The following OR8G1 variants were observed in gnomAD, a reference collection of about 807,000 sequenced individuals.
OR8G1 encodes olfactory receptor family 8 subfamily G member 1.
For synonymous variants in OR8G1, 129 were observed against 133.3 expected (o/e 0.97, Z 0.22); for missense variants, 372 against 356.2 (o/e 1.04, Z -0.36).
At chr11:124,248,515 A>G (rs189745008) in intron 2 of OR8G1, among the ~76,000 whole-genome samples, 1 of 151,850 alleles carries the variant, frequency 6.6e-6, no homozygotes, top group East Asian at 1.9e-4. Flanking sequence ...TTATATCTGT[A>G]TTTTAGTTTT....
rs1861890694 is a variant in OR8G1 at position 124,254,254 on chromosome 11, C to T, written c.*3643C>T. The T allele has an allele frequency of 6.6e-6, 1 of 152,160 alleles. No individual in the cohort carries two copies. Among genetic ancestry groups the T allele is most frequent in the African/African-American group, 2.4e-5 (1 of 41,444 alleles). 9.4% of individuals were successfully genotyped at this position (152,160 alleles called of 1,614,324 possible). ...TCCTAACAAGTATGAGGTGATATCTCACTGTAGTTTCTCTGCAATTTGATG... is the reference window on the plus strand; with the variant it reads ...TCCTAACAAGTATGAGGTGATATCTTACTGTAGTTTCTCTGCAATTTGATG... On this transcript the variant is annotated 3_prime_UTR_variant, in exon 3 of 3. Coordinates refer to ENST00000641972, the MANE Select transcript of OR8G1 (RefSeq NM_001002905.2).
rs1396224546 is a variant in OR8G1 at position 124,252,494 on chromosome 11, A to C, written c.*1883A>C. 2 of 152,076 alleles carry C rather than the reference A, an allele frequency of 1.3e-5. No homozygotes were observed. The highest frequency in any genetic ancestry group is 2.4e-5 in the African/African-American group (1 of 41,406). 9.4% of individuals were successfully genotyped at this position (152,076 alleles called of 1,614,324 possible). On this transcript the variant is annotated 3_prime_UTR_variant, in exon 3 of 3. Transcript: ENST00000641972. ...CCTTATGTTCTCTTTCAGAAAAACT[A>C]TCTCTTTTTCTTCTTAGCTTGCATT...
intron 1 of OR8G1, among the ~76,000 whole-genome samples, chr11:124,242,288 G>A (rs1014430287): frequency 5.3e-5 from 8 of 151,898 alleles, no homozygotes; most frequent in African/African-American, 1.9e-4. Context: ...GACAGCTTTT[G>A]TGTGCCTTCC....
intron 2 of OR8G1, 170 bp from the exon 3 acceptor site, chr11:124,249,490 A>C (rs1861842603): frequency 8.3e-6 from 2 of 239,688 alleles, no homozygotes; most frequent in African/African-American, 4.7e-5. Flanking sequence ...CATGAAACAC[A>C]TTTATTATAT....
At position 124,253,384 on chromosome 11, in the gene OR8G1, G is replaced by A. The variant is rs1861882022; in HGVS notation, c.*2773G>A. On this transcript the variant is annotated 3_prime_UTR_variant, in exon 3 of 3. Transcript: ENST00000641972. ...TGCAGTGAGCCTTGATTGTGCCACT[G>A]TACGTCAGCCTGGGCGACAGAGAGA... 1 of 151,998 alleles carries A rather than the reference G, an allele frequency of 6.6e-6. No homozygotes were observed. The highest frequency in any genetic ancestry group is 1.9e-4 in the East Asian group (1 of 5,190). The allele number at this position is 151,998 out of a possible 1,614,324, so 9.4% of individuals were successfully genotyped here. A position where few individuals can be genotyped will look rare whatever the true frequency, so the allele number is the denominator to read the frequency against.
At chr11:124,244,009 A>G (rs1861786104) in intron 1 of OR8G1, among the ~76,000 whole-genome samples, 1 of 151,172 alleles carries the variant, frequency 6.6e-6, no homozygotes, top group Non-Finnish European at 1.5e-5. Flanking sequence ...ATGGAGAGAG[A>G]ACAAGGAAAG....
chr11:124,247,019 A>C (rs1164050747), intron 1 of OR8G1, among the ~76,000 whole-genome samples: 1 of 151,870 alleles, frequency 6.6e-6, no homozygotes, highest in East Asian at 1.9e-4. Context: ...GATCCAGCTA[A>C]AGTGGGGTTC....
intron 1 of OR8G1, among the ~76,000 whole-genome samples, chr11:124,246,844 G>C (rs1861815710): frequency 7.9e-6 from 1 of 127,080 alleles, no homozygotes; most frequent in South Asian, 2.9e-4. Flanking sequence ...AATTACAATA[G>C]ATGTATTTTT....
Position 124,249,800 on chromosome 11 carries a change from A to G in OR8G1, c.125A>G (p.Asn42Ser). The G allele has an allele frequency of 1.9e-6, 3 of 1,613,934 alleles. No homozygotes were observed. Among genetic ancestry groups the G allele is most frequent in the African/African-American group, 1.3e-5 (1 of 74,996 alleles). The change falls in exon 3 of 3, where the codon AAC becomes AGC. Residue 42 changes from asparagine to serine, a missense_variant. Physicochemically the swap from Asn to Ser is conservative, Grantham distance 46 (BLOSUM62 1). Coordinates refer to ENST00000641972, the MANE Select transcript of OR8G1 (RefSeq NM_001002905.2). Reference sequence around the variant, plus strand: ...ATCTATGTGGTCACAGTGGTGGGCAACCTGGGCATGACCACACTGATTTGG... The same window carrying G: ...ATCTATGTGGTCACAGTGGTGGGCAGCCTGGGCATGACCACACTGATTTGG... ...LGIYVVTVVG[N>S]LGMTTLIWLS... is the part of the protein sequence containing the mutation.
chr11:124,245,922 G>A (rs1198138943), intron 1 of OR8G1, among the ~76,000 whole-genome samples: 2 of 146,048 alleles, frequency 1.4e-5, no homozygotes, highest in African/African-American at 5.2e-5. Flanking sequence ...TTAGCCCTTT[G>A]TCAGATGAGT....
At chr11:124,246,119 G>C (rs960887327) in intron 1 of OR8G1, among the ~76,000 whole-genome samples, 2 of 151,534 alleles carry the variant, frequency 1.3e-5, no homozygotes, top group Non-Finnish European at 2.9e-5. Flanking sequence ...GTAATGCCTA[G>C]GTTTTCTTCT....
At chr11:124,243,374 G>A (rs1012630144) in intron 1 of OR8G1, among the ~76,000 whole-genome samples, 1 of 151,864 alleles carries the variant, frequency 6.6e-6, no homozygotes, top group African/African-American at 2.4e-5. Context: ...GATCACATGA[G>A]GACACATAAA....
chr11:124,241,345 A>C lies in OR8G1; in HGVS notation c.-116A>C, dbSNP rs1371852743. Reference sequence around the variant, plus strand: ...AATTGCAAGTAAAATCAAGCATTGAAGTTTTTAGGCAGTGGAAAGGTGAGT... The same window carrying C: ...AATTGCAAGTAAAATCAAGCATTGACGTTTTTAGGCAGTGGAAAGGTGAGT... On this transcript the variant is annotated 5_prime_UTR_variant, in exon 1 of 3. Coordinates refer to ENST00000641972, the MANE Select transcript of OR8G1 (RefSeq NM_001002905.2). The C allele has an allele frequency of 6.6e-6, 1 of 152,124 alleles. No individual in the cohort carries two copies. The highest frequency in any genetic ancestry group is 2.4e-5 in the African/African-American group (1 of 41,444). The allele number at this position is 152,124 out of a possible 1,614,324, so 9.4% of individuals were successfully genotyped here.
In OR8G1 at chr11:124,243,012, G is replaced by A. The variant is rs74647190; in HGVS notation, c.-97+1648G>A. Reference sequence around the variant, plus strand: ...TCCATGTATAACTCACAAAAAGAAAGTTTCACAGTTTAATTCCATAGAACT... The same window carrying A: ...TCCATGTATAACTCACAAAAAGAAAATTTCACAGTTTAATTCCATAGAACT... On this transcript the variant is annotated intron_variant, in intron 1 of 2. Coordinates refer to ENST00000641972, the MANE Select transcript of OR8G1 (RefSeq NM_001002905.2). 3.8e-3 allele frequency among the ~76,000 whole-genome samples: 582 copies of A among 151,942 alleles called. 14 individuals carry two copies. In the East Asian group the frequency reaches 0.054, roughly 14 times the overall value.
Position 124,242,982 on chromosome 11 carries a change from C to G in OR8G1, c.-97+1618C>G, listed in dbSNP as rs1227206477. On this transcript the variant is annotated intron_variant, in intron 1 of 2. Transcript: ENST00000641972. ...CCATACCATGGGGAATTGTCAATTC[C>G]CAAATCCATGTATAACTCACAAAAA... Among the ~76,000 whole-genome samples the G allele has an allele frequency of 2.6e-5, 4 of 151,684 alleles. No individual in the cohort carries two copies. The East Asian group carries it at 7.7e-4, about 29-fold the overall frequency.
rs569503011 is a variant in OR8G1 at position 124,246,047 on chromosome 11, T to C, written c.-96-1754T>C. Among the ~76,000 whole-genome samples, 53 of 144,716 alleles carry C rather than the reference T, an allele frequency of 3.7e-4. 1 individual carries two copies. The highest frequency in any genetic ancestry group is 1.4e-3 in the African/African-American group (52 of 38,130). The allele number at this position is 144,716 out of a possible 152,430, so 94.9% of individuals were successfully genotyped here. Reference sequence around the variant, plus strand: ...AGATCCCATTTGTCAATTTTGTCTTTTGTTGTCATTGCTTTTGGTGTTTTA... The same window carrying C: ...AGATCCCATTTGTCAATTTTGTCTTCTGTTGTCATTGCTTTTGGTGTTTTA... On this transcript the variant is annotated intron_variant, in intron 1 of 2. Transcript: ENST00000641972.
In OR8G1 at chr11:124,249,742, C is replaced by T; in HGVS notation, c.67C>T (p.Leu23Phe). Reference sequence around the variant, plus strand: ...GGCTGGGCTCTCAGAACAGCCAGAGCTCCAGCTGCCCCTCTTCCTCCTGTT... The same window carrying T: ...GGCTGGGCTCTCAGAACAGCCAGAGTTCCAGCTGCCCCTCTTCCTCCTGTT... ...ILAGLSEQPE[L>F]QLPLFLLFLG... Residue 23 changes from leucine to phenylalanine, a missense_variant, in exon 3 of 3, where the codon CTC becomes TTC. Transcript: ENST00000641972. The T allele has an allele frequency of 1.2e-6, 2 of 1,613,720 alleles. No homozygotes were observed. The highest frequency in any genetic ancestry group is 1.1e-5 in the South Asian group (1 of 91,074).
intron 1 of OR8G1, among the ~76,000 whole-genome samples, chr11:124,241,923 C>A (rs1861764531): frequency 6.6e-6 from 1 of 151,972 alleles, no homozygotes; most frequent in African/African-American, 2.4e-5. Context: ...ATTAAGGCAA[C>A]CTGTTCATCA....
chr11:124,245,845 ACT>A (rs1861805978), intron 1 of OR8G1, among the ~76,000 whole-genome samples: 1 of 151,002 alleles, frequency 6.6e-6, no homozygotes, highest in Non-Finnish European at 1.5e-5. Flanking sequence ...TCCTTCACCC[ACT>A]GTTTGATGGG....
Sources: allele counts gnomAD v4.1 joint callset (sites outside exome capture counted in the v4.1 genomes callset), GRCh38; gene constraint gnomAD v4.1.1; transcripts MANE v1.5; gene names NCBI Gene and HGNC (gene_info 2026-07-23, HGNC 2026-07-21).